Variants in PTPRM observed in about 807,000 individuals in gnomAD.
PTPRM encodes the protein protein tyrosine phosphatase receptor type M.
Under a neutral mutation model 186.7 loss-of-function variants are expected in PTPRM, and 47 were observed. The ratio of observed to expected loss-of-function variants is 0.25; its 90% CI spans 0.20 to 0.32. The LOEUF (loss-of-function observed/expected upper bound fraction) is 0.32. PTPRM is among the 10% of genes least tolerant of loss of function. PTPRM has a pLI of 1.00. For missense variants in PTPRM, 1,494 were observed against 1,865.0 expected (o/e 0.80, Z 3.66); for synonymous variants, 668 against 674.9 (o/e 0.99, Z 0.16).
chr18:7,823,109 G>A (rs568031906), intron 2 of PTPRM, among the ~76,000 whole-genome samples: 1 of 152,218 alleles, frequency 6.6e-6, no homozygotes, highest in African/African-American at 2.4e-5. Flanking sequence ...CCTATTTGTA[G>A]TATCCGTTCT....
At chr18:7,944,866 A>G (rs2052411141) in intron 5 of PTPRM, among the ~76,000 whole-genome samples, 1 of 152,210 alleles carries the variant, frequency 6.6e-6, no homozygotes, top group African/African-American at 2.4e-5. Context: ...TTGCACTGAC[A>G]ACATCTCCAG....
chr18:7,629,130 G>A (rs998510780), intron 1 of PTPRM, among the ~76,000 whole-genome samples: 9 of 152,184 alleles, frequency 5.9e-5, no homozygotes, highest in South Asian at 2.1e-4. Context: ...TTAAGATGGC[G>A]GGGGTGCCAA....
rs1302484046 is a variant in PTPRM, at chr18:8,113,602, A to C, written c.1973A>C (p.Gln658Pro). ...CAGAATGCTTCTCTGCTGAACTCAC[A>C]GTACTACTTTGCTGCAGAATTTCCT... ...HFQNASLLNS[Q>P]YYFAAEFPAD... Residue 658 changes from glutamine (Q) to proline (P), a missense_variant, in exon 12 of 33, where the codon CAG (glutamine) becomes CCG (proline). Transcript: ENST00000580170. 1 of 1,614,162 alleles carries C rather than the reference A, an allele frequency of 6.2e-7. No homozygotes were observed. Among genetic ancestry groups the C allele is most frequent in the Admixed American group, 1.7e-5 (1 of 60,028 alleles).
chr18:8,234,383 G>A (rs2094320181), intron 14 of PTPRM, among the ~76,000 whole-genome samples: 1 of 152,106 alleles, frequency 6.6e-6, no homozygotes, highest in South Asian at 2.1e-4. Context: ...AATTACAGTT[G>A]CTCATTGCTG....
At chr18:7,987,673 T>C (rs996626505) in intron 7 of PTPRM, among the ~76,000 whole-genome samples, 2 of 152,186 alleles carry the variant, frequency 1.3e-5, no homozygotes, top group African/African-American at 2.4e-5. Context: ...TTCTATTTTA[T>C]CTGGTTTAGA....
intron 22 of PTPRM, among the ~76,000 whole-genome samples, chr18:8,336,412 A>G (rs1330907130): frequency 6.6e-6 from 1 of 152,060 alleles, no homozygotes; most frequent in Non-Finnish European, 1.5e-5. Context: ...TACAAAAATT[A>G]GCTGGGCATA....
rs538517012 is a variant in PTPRM at position 7,903,349 on chromosome 18, C to G, written c.469-3156C>G. ...GCTCTTGGGTAGCTGGTAGTGGTAG[C>G]ATCAGCAGCCACCCCTCAGCTGTCC... On this transcript the variant is annotated intron_variant, in intron 3 of 32. Transcript: ENST00000580170. 2.6e-5 allele frequency among the ~76,000 whole-genome samples: 4 copies of G among 152,358 alleles called. No individual in the cohort carries two copies. The East Asian group carries it at 7.7e-4, about 29-fold the overall frequency.
At chr18:7,952,542 C>T (rs1028656298) in intron 6 of PTPRM, among the ~76,000 whole-genome samples, 2 of 151,544 alleles carry the variant, frequency 1.3e-5, no homozygotes, top group African/African-American at 4.8e-5. Flanking sequence ...ACTAAAAATA[C>T]AAAATTAGCC....
intron 2 of PTPRM, among the ~76,000 whole-genome samples, chr18:7,780,498 C>G (rs771953350): frequency 8.5e-5 from 13 of 152,108 alleles, no homozygotes; most frequent in Non-Finnish European, 1.6e-4. Context: ...CATGCCCTGC[C>G]CAGGTCAGCT....
chr18:8,383,916 C>T (rs2095755251), intron 29 of PTPRM, among the ~76,000 whole-genome samples: 1 of 152,160 alleles, frequency 6.6e-6, no homozygotes. Flanking sequence ...TGCCTCTCCC[C>T]GGGGCCTGAT....
chr18:8,309,434 C>G (rs868806933), intron 20 of PTPRM, among the ~76,000 whole-genome samples: 2 of 151,832 alleles, frequency 1.3e-5, no homozygotes, highest in African/African-American at 4.8e-5. Context: ...ATATATTTAT[C>G]AATATATATT....
intron 1 of PTPRM, among the ~76,000 whole-genome samples, chr18:7,587,368 C>T (rs1598465788): frequency 6.6e-6 from 1 of 151,312 alleles, no homozygotes; most frequent in Non-Finnish European, 1.5e-5. Context: ...TAGGATTAGC[C>T]ACTTCTTTGA....
chr18:8,325,316 A>C (rs1286764875), intron 22 of PTPRM, among the ~76,000 whole-genome samples: 1 of 151,890 alleles, frequency 6.6e-6, no homozygotes, highest in Non-Finnish European at 1.5e-5. Flanking sequence ...CCCTCCTCCC[A>C]CCCTCTACCC....
intron 2 of PTPRM, among the ~76,000 whole-genome samples, chr18:7,860,904 A>G (rs1277149327): frequency 6.6e-6 from 1 of 152,202 alleles, no homozygotes; most frequent in Non-Finnish European, 1.5e-5. Flanking sequence ...CAAATGAATT[A>G]TGCTGACTAG....
At chr18:7,984,837 A>G (rs1446147651) in intron 7 of PTPRM, among the ~76,000 whole-genome samples, 1 of 136,590 alleles carries the variant, frequency 7.3e-6, no homozygotes, top group East Asian at 2.1e-4. Context: ...ATATAAATAT[A>G]TACATATAAA....
intron 13 of PTPRM, among the ~76,000 whole-genome samples, chr18:8,130,022 A>C (rs992969049): frequency 4.6e-5 from 7 of 152,150 alleles, no homozygotes; most frequent in African/African-American, 1.4e-4. Context: ...TGAGGCCCAA[A>C]GTCTTTTAAA....
chr18:8,301,669 A>T (rs1050894567), intron 20 of PTPRM, among the ~76,000 whole-genome samples: 2 of 152,244 alleles, frequency 1.3e-5, no homozygotes, highest in African/African-American at 2.4e-5. Context: ...GCACTATTCT[A>T]GGTGTCAGCG....
intron 19 of PTPRM, among the ~76,000 whole-genome samples, chr18:8,271,812 A>C (rs2094774663): frequency 6.6e-6 from 1 of 152,054 alleles, no homozygotes; most frequent in South Asian, 2.1e-4. Flanking sequence ...GTTTCTACTC[A>C]TGTTTCTTTA....
intron 1 of PTPRM, among the ~76,000 whole-genome samples, chr18:7,697,258 T>A (rs2039864904): frequency 6.6e-6 from 1 of 152,214 alleles, no homozygotes; most frequent in Non-Finnish European, 1.5e-5. Context: ...TTTTCAAAAT[T>A]GTGCCCATCA....
Sources: allele counts gnomAD v4.1 joint callset (sites outside exome capture counted in the v4.1 genomes callset), GRCh38; gene constraint gnomAD v4.1.1; transcripts MANE v1.5; gene names NCBI Gene and HGNC (gene_info 2026-07-23, HGNC 2026-07-21).